SLC30A9: variants seen among roughly 807,000 people sequenced by gnomAD.
SLC30A9 encodes the protein proton-coupled zinc antiporter SLC30A9, mitochondrial.
Under a neutral mutation model 87.5 loss-of-function variants are expected in SLC30A9, and 58 were observed. That is an observed-to-expected ratio of 0.66 (90% CI 0.54 to 0.82). SLC30A9 has a LOEUF of 0.82. Ranked by LOEUF, SLC30A9 falls within the 40% of genes least tolerant of loss-of-function variation. The probability of loss-of-function intolerance (pLI) is 0.00; values close to 1 mark genes in which losing one functional copy is unlikely to be tolerated. For missense variants in SLC30A9, 557 were observed against 679.1 expected, an observed-to-expected ratio of 0.82 and a Z score of 2.00; for synonymous variants, 234 against 233.0, an observed-to-expected ratio of 1.00 and a Z score of -0.04.
intron 17 of SLC30A9, among the ~76,000 whole-genome samples, chr4:42,084,263 A>G (rs10938177): frequency 0.65 from 99,142 of 151,922 alleles, 36,833 homozygotes; most frequent in East Asian, 0.96. Flanking sequence ...TACTTTTAGT[A>G]TGTCTTTATT....
At position 42,062,954 on chromosome 4, in the gene SLC30A9, T is replaced by C. The variant is rs762678916; in HGVS notation, c.897-32T>C. On this transcript the variant is annotated intron_variant, in intron 10 of 17. Transcript: ENST00000264451. ...TATTTTAAAAGAAACCATTTGTATT[T>C]CTTGCGAACTATATTCTTTTCTATT... 1.9e-6 allele frequency: 3 copies of C among 1,591,910 alleles called. No individual in the cohort carries two copies. In the African/African-American group the frequency reaches 4.0e-5, roughly 21 times the overall value.
chr4:42,039,150 G>T (rs1463999157), intron 8 of SLC30A9, 97 bp downstream of exon 8: 1 of 894,094 alleles, frequency 1.1e-6, no homozygotes, highest in Non-Finnish European at 1.8e-6. Flanking sequence ...GCTAGCTATA[G>T]AGTTTGAGGT....
rs1040408623 is a variant in SLC30A9, at chr4:42,090,081, G to A, written c.*3955G>A. The A allele has an allele frequency of 5.3e-5, 8 of 152,208 alleles. No homozygotes were observed. Among genetic ancestry groups the A allele is most frequent in the Non-Finnish European group, 1.0e-4 (7 of 68,028 alleles). 9.4% of individuals were successfully genotyped at this position (152,208 alleles called of 1,614,324 possible). A position where few individuals can be genotyped will look rare whatever the true frequency, so the allele number is the denominator to read the frequency against. ...AAAACTGCATAGGCATTTAGAATTTGTATTATCTTCTTAGACTGCATTTGT... is the reference window on the plus strand; with the variant it reads ...AAAACTGCATAGGCATTTAGAATTTATATTATCTTCTTAGACTGCATTTGT... On this transcript the variant is annotated 3_prime_UTR_variant, in exon 18 of 18. Transcript: ENST00000264451.
chr4:42,012,115 T>G (rs1004603624), intron 2 of SLC30A9, among the ~76,000 whole-genome samples: 5 of 152,110 alleles, frequency 3.3e-5, no homozygotes, highest in Admixed American at 6.5e-5. Context: ...AAATATGTTT[T>G]GAGTACCAAG....
In SLC30A9 at chr4:41,990,723, A is replaced by G; in HGVS notation, c.72A>G (p.Arg24=). Residue 24 remains arginine (R), a synonymous_variant, in exon 1 of 18, where the codon CGA becomes CGG. Coordinates refer to ENST00000264451, the MANE Select transcript of SLC30A9 (RefSeq NM_006345.4). ...SWSSLCRLRL[R]CRAAACNPSD... is the part of the protein sequence containing the mutation. ...CCTCCCTGTGCCGGCTCCGTCTGCG[A>G]TGCAGGGCGGCGGCCTGTAATCCCA... 1 of 1,611,942 alleles carries G rather than the reference A, an allele frequency of 6.2e-7. No homozygotes were observed. The highest frequency in any genetic ancestry group is 8.5e-7 in the Non-Finnish European group (1 of 1,179,378).
chr4:42,067,646 G>T (rs562984249), intron 14 of SLC30A9, among the ~76,000 whole-genome samples: 5 of 152,244 alleles, frequency 3.3e-5, no homozygotes, highest in African/African-American at 1.2e-4. Flanking sequence ...ACATTGTTGC[G>T]AAAAATATCA....
chr4:42,016,382 C>T (rs946249546), intron 2 of SLC30A9, among the ~76,000 whole-genome samples: 3 of 152,076 alleles, frequency 2.0e-5, no homozygotes, highest in African/African-American at 4.8e-5. Flanking sequence ...ATTTACTACT[C>T]AAGCTAAGAA....
chr4:42,012,376 A>G (rs1715482834), intron 2 of SLC30A9, among the ~76,000 whole-genome samples: 1 of 152,224 alleles, frequency 6.6e-6, no homozygotes, highest in Non-Finnish European at 1.5e-5. Context: ...GGAATTTCAT[A>G]GTGATCTAAA....
chr4:42,005,660 C>T lies in SLC30A9; in HGVS notation c.274+3880C>T, dbSNP rs550064156. 2.0e-5 allele frequency among the ~76,000 whole-genome samples: 3 copies of T among 152,222 alleles called. No homozygotes were observed. In the South Asian group the frequency reaches 6.2e-4, roughly 32 times the overall value. ...TCAATAGAAATCCGGGGAAAGCTGG[C>T]TTTGATATGTTCATTTGTTCTGTAG... On this transcript the variant is annotated intron_variant, in intron 2 of 17. Coordinates refer to ENST00000264451, the MANE Select transcript of SLC30A9 (RefSeq NM_006345.4).
chr4:42,067,799 T>C (rs1021952479), intron 14 of SLC30A9, among the ~76,000 whole-genome samples: 1 of 152,164 alleles, frequency 6.6e-6, no homozygotes, highest in African/African-American at 2.4e-5. Flanking sequence ...AGTCCCAATC[T>C]GAGTGAGTGT....
At chr4:42,002,179 T>G (rs926536260) in intron 2 of SLC30A9, among the ~76,000 whole-genome samples, 2 of 152,030 alleles carry the variant, frequency 1.3e-5, no homozygotes, top group African/African-American at 4.8e-5. Context: ...CCATTATATG[T>G]TTGTATCCTA....
intron 13 of SLC30A9, 111 bp downstream of exon 13, chr4:42,066,732 T>C (rs1435810255): frequency 2.7e-5 from 18 of 662,386 alleles, no homozygotes; most frequent in Non-Finnish European, 4.3e-5. Flanking sequence ...TATCTGAATA[T>C]CATCCCTGTG....
chr4:42,012,082 A>G (rs534697987), intron 2 of SLC30A9, among the ~76,000 whole-genome samples: 7 of 152,326 alleles, frequency 4.6e-5, no homozygotes, highest in Non-Finnish European at 1.0e-4. Flanking sequence ...AGAATTTGAG[A>G]AAAACAGGAC....
rs1715795977 is a variant in SLC30A9 at position 42,018,093 on chromosome 4, T to G, written c.275-18T>G. 6.9e-7 allele frequency: 1 copy of G among 1,442,180 alleles called. No homozygotes were observed. The highest frequency in any genetic ancestry group is 9.7e-7 in the Non-Finnish European group (1 of 1,035,668). 89.3% of individuals were successfully genotyped at this position (1,442,180 alleles called of 1,614,324 possible). On this transcript the variant is annotated intron_variant, in intron 2 of 17. Coordinates refer to ENST00000264451, the MANE Select transcript of SLC30A9 (RefSeq NM_006345.4). ...AAAGCAGTTGTTTAATGTAAACTTC[T>G]TTTAATAAACTTTACAGCAGAAGGT...
intron 15 of SLC30A9, among the ~76,000 whole-genome samples, chr4:42,075,110 G>C (rs1438282282): frequency 1.0e-5 from 1 of 97,020 alleles, no homozygotes; most frequent in African/African-American, 3.9e-5. Flanking sequence ...GTCTTACTCT[G>C]TTGCCCAGGC....
At chr4:42,062,818 T>G (rs964221201) in intron 10 of SLC30A9, among the ~76,000 whole-genome samples, 168 bp from the exon 11 acceptor site, 1 of 152,216 alleles carries the variant, frequency 6.6e-6, no homozygotes, top group Non-Finnish European at 1.5e-5. Context: ...TCTTACAGTT[T>G]TTTCCACTTT....
chr4:42,048,050 G>A (rs1007313421), intron 8 of SLC30A9, among the ~76,000 whole-genome samples: 1 of 151,986 alleles, frequency 6.6e-6, no homozygotes, highest in Non-Finnish European at 1.5e-5. Flanking sequence ...ACACAGAGAG[G>A]GGAATATCAC....
At chr4:42,084,360 T>C (rs1718844507) in intron 17 of SLC30A9, among the ~76,000 whole-genome samples, 2 of 151,888 alleles carry the variant, frequency 1.3e-5, no homozygotes, top group Admixed American at 1.3e-4. Context: ...TTTAGTTCTT[T>C]TATACACTAC....
At chr4:41,997,630 A>G (rs1042667887) in intron 1 of SLC30A9, among the ~76,000 whole-genome samples, 4 of 152,220 alleles carry the variant, frequency 2.6e-5, no homozygotes, top group Non-Finnish European at 4.4e-5. Context: ...TAATGAATAC[A>G]TAATAAAAGT....
Sources: allele counts gnomAD v4.1 joint callset (sites outside exome capture counted in the v4.1 genomes callset), GRCh38; gene constraint gnomAD v4.1.1; transcripts MANE v1.5; gene names NCBI Gene and HGNC (gene_info 2026-07-23, HGNC 2026-07-21).